The following CLYBL variants were observed in gnomAD, a reference collection of about 807,000 sequenced individuals.
CLYBL encodes citramalyl-CoA lyase, also known as citramalyl-CoA lyase, mitochondrial.
A neutral mutation model predicts 38.9 loss-of-function variants in CLYBL; 31 were observed. The observed-to-expected ratio is 0.80, with a 90% CI of 0.60 to 1.08. The LOEUF is 1.08. Among genes scored for constraint, CLYBL ranks in the 50% least tolerant of loss-of-function variants. The probability of loss-of-function intolerance (pLI) is 0.00; values close to 1 mark genes in which losing one functional copy is unlikely to be tolerated. For missense variants in CLYBL, 434 were observed against 411.6 expected (o/e 1.05, Z -0.47); for synonymous variants, 171 against 158.6 (o/e 1.08, Z -0.59).
intron 2 of CLYBL, among the ~76,000 whole-genome samples, chr13:99,841,580 AG>A (rs1947702672): frequency 6.6e-6 from 1 of 151,546 alleles, no homozygotes; most frequent in African/African-American, 2.4e-5. Context: ...TTATATTTTT[AG>A]TAGAGATGGG....
At chr13:99,713,672 T>A (rs1182141907) in intron 1 of CLYBL, among the ~76,000 whole-genome samples, 3 of 151,722 alleles carry the variant, frequency 2.0e-5, no homozygotes, top group African/African-American at 7.3e-5. Context: ...TTTTTCATGT[T>A]CTCTAATGTT....
chr13:99,649,703 A>G (rs1217914717), intron 1 of CLYBL, among the ~76,000 whole-genome samples: 1 of 151,922 alleles, frequency 6.6e-6, no homozygotes, highest in African/African-American at 2.4e-5. Flanking sequence ...CATCTCTACA[A>G]ATGATACAAA....
intron 7 of CLYBL, among the ~76,000 whole-genome samples, chr13:99,876,640 G>T (rs925901775): frequency 2.0e-5 from 3 of 152,052 alleles, no homozygotes; most frequent in Non-Finnish European, 4.4e-5. Context: ...CTTTTAGTCA[G>T]ATGCCTTCAG....
At chr13:99,612,388 T>TG (rs1487835389) in intron 1 of CLYBL, among the ~76,000 whole-genome samples, 1 of 143,916 alleles carries the variant, frequency 6.9e-6, no homozygotes, top group African/African-American at 2.5e-5. Flanking sequence ...CCTTTCTACT[T>TG]TTTTTTTTTT....
At chr13:99,883,203 A>G (rs1352738524) in intron 7 of CLYBL, among the ~76,000 whole-genome samples, 1 of 152,126 alleles carries the variant, frequency 6.6e-6, no homozygotes, top group Non-Finnish European at 1.5e-5. Context: ...GTGCTTTGTC[A>G]TAAGAAAAGT....
intron 7 of CLYBL, among the ~76,000 whole-genome samples, chr13:99,879,810 A>T (rs2052148712): frequency 6.6e-6 from 1 of 152,140 alleles, no homozygotes; most frequent in African/African-American, 2.4e-5. Context: ...TTCTGTGATA[A>T]GTGGAATTAA....
chr13:99,726,796 A>G (rs2048481291), intron 1 of CLYBL, among the ~76,000 whole-genome samples: 1 of 151,764 alleles, frequency 6.6e-6, no homozygotes, highest in South Asian at 2.1e-4. Context: ...ATGTATGCAG[A>G]GGGCCAGGGA....
chr13:99,813,258 T>G (rs2050377614), intron 2 of CLYBL, among the ~76,000 whole-genome samples: 1 of 152,342 alleles, frequency 6.6e-6, no homozygotes, highest in East Asian at 1.9e-4. Flanking sequence ...TCCAGTGGAA[T>G]GCAAACATGA....
chr13:99,771,020 C>CTTTTTT (rs546998940), intron 1 of CLYBL, among the ~76,000 whole-genome samples: 39 of 120,232 alleles, frequency 3.2e-4, no homozygotes, highest in African/African-American at 9.8e-4. Context: ...ACGCGGGGCC[C>CTTTTTT]TTTTTTTTTT....
chr13:99,691,960 T>G (rs1392508570), intron 1 of CLYBL, among the ~76,000 whole-genome samples: 27 of 152,166 alleles, frequency 1.8e-4, no homozygotes, highest in Non-Finnish European at 1.5e-5. Flanking sequence ...GTCCCTGAGT[T>G]TTCAGACTGA....
At chr13:99,622,497 C>T (rs1277522905) in intron 1 of CLYBL, among the ~76,000 whole-genome samples, 1 of 152,176 alleles carries the variant, frequency 6.6e-6, no homozygotes, top group Non-Finnish European at 1.5e-5. Context: ...TTTTTGTCTC[C>T]ATTGCCCCTA....
chr13:99,794,276 G>A (rs1280200500), intron 2 of CLYBL, among the ~76,000 whole-genome samples: 1 of 151,962 alleles, frequency 6.6e-6, no homozygotes, highest in African/African-American at 2.4e-5. Flanking sequence ...CAAAAATTAG[G>A]TGGGCATGGT....
chr13:99,873,159 A>G (rs568426094), intron 7 of CLYBL, among the ~76,000 whole-genome samples: 1 of 152,152 alleles, frequency 6.6e-6, no homozygotes, highest in Non-Finnish European at 1.5e-5. Flanking sequence ...GATTCAAGTA[A>G]TGGGGCTTCC....
rs533999463 is a variant in CLYBL at position 99,654,777 on chromosome 13, G to A, written c.62+48020G>A. Among the ~76,000 whole-genome samples the A allele has an allele frequency of 1.2e-4, 19 of 152,208 alleles. No individual in the cohort carries two copies. In the South Asian group the frequency reaches 2.5e-3, roughly 20 times the overall value. On this transcript the variant is annotated intron_variant, in intron 1 of 8. Coordinates refer to ENST00000339105, the MANE Select transcript of CLYBL (RefSeq NM_206808.5). ...TCCCAACACTCTGGGAGGCTGAGGCGGGCTGATCACGAGGTCAGGAGATCT... is the reference window on the plus strand; with the variant it reads ...TCCCAACACTCTGGGAGGCTGAGGCAGGCTGATCACGAGGTCAGGAGATCT...
intron 1 of CLYBL, among the ~76,000 whole-genome samples, chr13:99,617,855 C>T (rs746618060): frequency 2.6e-5 from 4 of 152,220 alleles, no homozygotes; most frequent in Non-Finnish European, 4.4e-5. Flanking sequence ...TGTCGTCAGC[C>T]TGAAGCCCTC....
At chr13:99,620,799 AGAGAGAGAAAG>A (rs751366438) in intron 1 of CLYBL, among the ~76,000 whole-genome samples, 2 of 146,702 alleles carry the variant, frequency 1.4e-5, no homozygotes, top group Admixed American at 1.4e-4. Context: ...AGAAAAAGAG[AGAGAGAGAAAG>A]AGAGAGAGAG....
At chr13:99,804,399 G>A (rs988813982) in intron 2 of CLYBL, among the ~76,000 whole-genome samples, 43 of 152,126 alleles carry the variant, frequency 2.8e-4, no homozygotes, top group Admixed American at 1.5e-3. Context: ...AATTCCCTCC[G>A]TCTTTTTTCT....
intron 7 of CLYBL, chr13:99,877,740 AT>A: frequency 4.2e-6 from 1 of 238,024 alleles, no homozygotes; most frequent in South Asian, 4.2e-5. Context: ...TGCCTGGCTA[AT>A]TTTTGTATTT....
rs372418827 is a variant in CLYBL, at chr13:99,682,773, G to C, written c.62+76016G>C. ...TTCTTTTGAAACGGAGTCTCATTCT[G>C]TCACCCAGGCTGGAGTACAGTGGCG... On this transcript the variant is annotated intron_variant, in intron 1 of 8. Coordinates refer to ENST00000339105, the MANE Select transcript of CLYBL (RefSeq NM_206808.5). Among the ~76,000 whole-genome samples, 105 of 151,502 alleles carry C rather than the reference G, an allele frequency of 6.9e-4. 2 individuals are homozygous for C. The highest frequency in any genetic ancestry group is 6.9e-3 in the South Asian group (33 of 4,794).
Sources: gnomAD v4.1 joint callset for allele counts (sites outside exome capture counted in the v4.1 genomes callset) on GRCh38, gnomAD v4.1.1 for gene constraint, MANE v1.5 for transcripts, NCBI Gene and HGNC (gene_info 2026-07-23, HGNC 2026-07-21) for gene names.